The following SRP72 variants were observed in gnomAD, a reference collection of about 807,000 sequenced individuals.
The protein encoded by SRP72 is signal recognition particle subunit SRP72.
In SRP72, 49 loss-of-function variants were observed where a neutral mutation model predicts 96.3. The observed-to-expected ratio is 0.51, with a 90% CI of 0.40 to 0.65. The LOEUF (loss-of-function observed/expected upper bound fraction) is 0.65, where lower values mean the gene tolerates loss of function less well. SRP72 is among the 30% of genes least tolerant of loss of function. The probability of loss-of-function intolerance (pLI) is 0.00; values close to 1 mark genes in which losing one functional copy is unlikely to be tolerated. For missense variants in SRP72, 736 were observed against 793.3 expected (o/e 0.93, Z 0.87); for synonymous variants, 267 against 275.2 (o/e 0.97, Z 0.30).
At chr4:56,486,259 T>C (rs1425022592) in intron 10 of SRP72, 66 bp from the exon 11 acceptor site, 7 of 1,147,064 alleles carry the variant, frequency 6.1e-6, no homozygotes, top group Non-Finnish European at 8.7e-6. Context: ...GCTAAGTAAT[T>C]GTAATGTATA....
chr4:56,500,773 T>G, intron 18 of SRP72, 78 bp downstream of exon 18: 5 of 1,356,910 alleles, frequency 3.7e-6, no homozygotes, highest in Non-Finnish European at 4.0e-6. Flanking sequence ...TAGTGAGAAT[T>G]TGTTAATATA....
chr4:56,478,349 T>C, intron 6 of SRP72, 30 bp from the exon 7 acceptor site: 1 of 1,539,880 alleles, frequency 6.5e-7, no homozygotes, highest in Non-Finnish European at 8.7e-7. Flanking sequence ...TTTGGAAAAT[T>C]TATATGGGAA....
At chr4:56,475,645 G>C (rs1720186161) in intron 5 of SRP72, 1 of 151,786 alleles carries the variant, frequency 6.6e-6, no homozygotes. Flanking sequence ...GGGATTACAA[G>C]TGTGAGCCAC....
In SRP72 at chr4:56,484,643, A is replaced by G. The variant is rs958210060; in HGVS notation, c.958-93A>G. 7.8e-6 allele frequency: 12 copies of G among 1,532,294 alleles called. No individual in the cohort carries two copies. In the East Asian group the frequency reaches 2.7e-4, roughly 34 times the overall value. 94.9% of individuals were successfully genotyped at this position (1,532,294 alleles called of 1,614,324 possible). Reference sequence around the variant, plus strand: ...AGTTCTTTGGTTAATATTTGTTTCAACTGATTTTCCCATGTTTCTTTTCTT... The same window carrying G: ...AGTTCTTTGGTTAATATTTGTTTCAGCTGATTTTCCCATGTTTCTTTTCTT... On this transcript the variant is annotated intron_variant, in intron 9 of 18. Coordinates refer to ENST00000642900, the MANE Select transcript of SRP72 (RefSeq NM_006947.4).
intron 9 of SRP72, among the ~76,000 whole-genome samples, chr4:56,484,208 G>A (rs952983654): frequency 1.5e-4 from 22 of 151,394 alleles, no homozygotes; most frequent in Admixed American, 1.4e-3. Context: ...TAATTTACTT[G>A]TATTTTTAGT....
rs1719988414 is a variant in SRP72, at chr4:56,471,762, G to C, written c.273G>C (p.Leu91=). The C allele has an allele frequency of 1.2e-6, 2 of 1,613,884 alleles. No individual in the cohort carries two copies. Among genetic ancestry groups the C allele is most frequent in the South Asian group, 1.1e-5 (1 of 91,064 alleles). Residue 91 remains leucine, a synonymous_variant, in exon 3 of 19, where the codon CTG becomes CTC. Coordinates refer to ENST00000642900, the MANE Select transcript of SRP72 (RefSeq NM_006947.4). ...SFEKAYCEYR[L]NRIENALKTI... is the part of the protein sequence containing the mutation. ...AAAAGGCATATTGCGAGTACAGGCTGAACAGAATTGAGAATGCCTTGAAGA... is the reference window on the plus strand; with the variant it reads ...AAAAGGCATATTGCGAGTACAGGCTCAACAGAATTGAGAATGCCTTGAAGA...
rs760960779 is a variant in SRP72, at chr4:56,467,658, G to C, written c.23G>C (p.Gly8Ala). The change falls in exon 1 of 19, where the codon GGG becomes GCG. Residue 8 changes from glycine to alanine, a missense_variant. Physicochemically the swap from Gly to Ala is moderately conservative, Grantham distance 60. Around this residue, in one of 3 missense-constraint regions of SRP72, gnomAD observed 329 missense variants for 319.0 expected, o/e 1.03. Coordinates refer to ENST00000642900, the MANE Select transcript of SRP72 (RefSeq NM_006947.4). MASGGSG[G>A]VSVPALWSEV... ...AAGATGGCGAGCGGCGGCAGCGGGG[G>C]GGTGTCAGTACCTGCGCTGTGGAGT... 5.9e-5 allele frequency: 92 copies of C among 1,559,726 alleles called. No homozygotes were observed. Among genetic ancestry groups the C allele is most frequent in the Non-Finnish European group, 7.9e-5 (91 of 1,154,676 alleles).
chr4:56,502,147 T>G lies in SRP72; in HGVS notation c.*286T>G. 3.4e-6 allele frequency: 1 copy of G among 296,828 alleles called. No individual in the cohort carries two copies. 18.4% of individuals were successfully genotyped at this position (296,828 alleles called of 1,614,324 possible). ...TTATCTGTGTGTGCTGATTTGATCT[T>G]TTTTCAGTTTCACATACCTTATCTA... On this transcript the variant is annotated 3_prime_UTR_variant, in exon 19 of 19. Coordinates refer to ENST00000642900, the MANE Select transcript of SRP72 (RefSeq NM_006947.4).
chr4:56,492,982 T>C (rs1720958701), intron 16 of SRP72, among the ~76,000 whole-genome samples: 1 of 152,074 alleles, frequency 6.6e-6, no homozygotes, highest in Admixed American at 6.5e-5. Flanking sequence ...AAGACCCCCA[T>C]CTCTAAAAAT....
chr4:56,487,942 T>A lies in SRP72; in HGVS notation c.1160-7T>A. 1 of 1,589,396 alleles carries A rather than the reference T, an allele frequency of 6.3e-7. No homozygotes were observed. The highest frequency in any genetic ancestry group is 8.6e-7 in the Non-Finnish European group (1 of 1,169,194). ...TATGTAATGCTGATTTTGTTTATTC[T>A]CCTAAGGTAATATTTCTAAAGCATG... On this transcript the variant is annotated splice_polypyrimidine_tract_variant and splice_region_variant and intron_variant, in intron 11 of 18. Transcript: ENST00000642900.
At chr4:56,476,012 A>T (rs1284749400) in intron 5 of SRP72, 1 of 152,516 alleles carries the variant, frequency 6.6e-6, no homozygotes, top group East Asian at 1.9e-4. Context: ...ACAGTAATGT[A>T]GATCTATGTT....
rs147787729 is a variant in SRP72, at chr4:56,476,562, G to A, written c.611-109G>A. 1,031 of 1,149,506 alleles carry A rather than the reference G, an allele frequency of 9.0e-4. 10 individuals carry two copies. The highest frequency in any genetic ancestry group is 9.7e-5 in the Non-Finnish European group (76 of 781,450). 71.2% of individuals were successfully genotyped at this position (1,149,506 alleles called of 1,614,324 possible). ...AAATTTCACAACTGCTTGTTACTACGATTATCTTGGAATCTTCTGCTTAGG... is the reference window on the plus strand; with the variant it reads ...AAATTTCACAACTGCTTGTTACTACAATTATCTTGGAATCTTCTGCTTAGG... On this transcript the variant is annotated intron_variant, in intron 5 of 18. Coordinates refer to ENST00000642900, the MANE Select transcript of SRP72 (RefSeq NM_006947.4).
At chr4:56,489,125 C>CG in intron 12 of SRP72, 1 of 326,076 alleles carries the variant, frequency 3.1e-6, no homozygotes, top group Non-Finnish European at 5.6e-6. Context: ...AACTTCTGTA[C>CG]TTACCAAACC....
rs570414091 is a variant in SRP72, at chr4:56,502,499, A to G, written c.*638A>G. ...TATATATATGTATATATATATACAT[A>G]TATATATATATATAAACATGAAATA... is the stretch of plus-strand genomic sequence containing the variant. On this transcript the variant is annotated 3_prime_UTR_variant, in exon 19 of 19. Transcript: ENST00000642900. 4.6e-3 allele frequency: 562 copies of G among 122,516 alleles called. 5 individuals carry two copies. Among genetic ancestry groups the G allele is most frequent in the African/African-American group, 0.016 (516 of 31,976 alleles). 7.6% of individuals were successfully genotyped at this position (122,516 alleles called of 1,614,324 possible). A position where few individuals can be genotyped will look rare whatever the true frequency, so the allele number is the denominator to read the frequency against.
intron 6 of SRP72, 102 bp from the exon 7 acceptor site, chr4:56,478,277 A>G (rs2110117270): frequency 2.6e-6 from 3 of 1,171,632 alleles, no homozygotes; most frequent in South Asian, 2.8e-5. Context: ...TTCTGAAATT[A>G]TGTGTCTTCA....
intron 8 of SRP72, among the ~76,000 whole-genome samples, chr4:56,480,369 C>T (rs1021997849): frequency 1.5e-4 from 23 of 152,314 alleles, no homozygotes; most frequent in African/African-American, 5.5e-4. Context: ...AAGTGATTCT[C>T]ATGCCTCAGC....
In SRP72 at chr4:56,469,653, T is replaced by G; in HGVS notation, c.110T>G (p.Ile37Arg). The G allele has an allele frequency of 6.3e-7, 1 of 1,598,182 alleles. No individual in the cohort carries two copies. The highest frequency in any genetic ancestry group is 8.6e-7 in the Non-Finnish European group (1 of 1,168,640). ...GACTTTTCCTAAAATTGTTCTCTAG[T>G]ACTACAGATCAACAAAGATGACGTA... The part of the protein sequence containing the change: ...FTRALKTVNK[I>R]LQINKDDVTA... Residue 37 changes from isoleucine to arginine, a missense_variant and splice_region_variant, in exon 2 of 19, where the codon ATA (isoleucine) becomes AGA (arginine). Ile to Arg is a moderately conservative substitution (Grantham distance 97). This residue lies in a region of SRP72 where 329 missense variants were observed against 319.0 expected (regional missense o/e 1.03). Transcript: ENST00000642900.
rs1720110218 is a variant in SRP72 at position 56,474,214 on chromosome 4, T to C, written c.498+17T>C. On this transcript the variant is annotated intron_variant, in intron 4 of 18. Transcript: ENST00000642900. Reference sequence around the variant, plus strand: ...GTGGTTCCAGTGAGTATCCTTGTGGTGTACCCATACAGTCATGAATTATTA... The same window carrying C: ...GTGGTTCCAGTGAGTATCCTTGTGGCGTACCCATACAGTCATGAATTATTA... 1 of 1,613,898 alleles carries C rather than the reference T, an allele frequency of 6.2e-7. No homozygotes were observed.
intron 16 of SRP72, among the ~76,000 whole-genome samples, chr4:56,492,375 C>G (rs910540557): frequency 6.6e-6 from 1 of 152,130 alleles, no homozygotes; most frequent in African/African-American, 2.4e-5. Flanking sequence ...TAAAAGAAGT[C>G]AGATTTTGAC....
Sources: allele counts gnomAD v4.1 joint callset (sites outside exome capture counted in the v4.1 genomes callset), GRCh38; gene constraint gnomAD v4.1.1; regional missense constraint gnomAD v4.1.1; transcripts MANE v1.5; gene names NCBI Gene and HGNC (gene_info 2026-07-23, HGNC 2026-07-21).